Variants in PHF21A observed in about 807,000 individuals in gnomAD.
The protein encoded by PHF21A is BHC80a.
A neutral mutation model predicts 82.5 loss-of-function variants in PHF21A; 11 were observed. The observed-to-expected ratio is 0.13, with a 90% confidence interval of 0.08 to 0.22. The LOEUF (loss-of-function observed/expected upper bound fraction) is 0.22. Ranked by LOEUF, PHF21A falls within the 10% of genes least tolerant of loss-of-function variation. The pLI is 1.00. For missense variants in PHF21A, 579 were observed against 837.8 expected, an observed-to-expected ratio of 0.69 and a Z score of 3.81; for synonymous variants, 297 against 302.8, an observed-to-expected ratio of 0.98 and a Z score of 0.20.
chr11:45,990,866 G>C (rs554409610), intron 6 of PHF21A, among the ~76,000 whole-genome samples: 49 of 151,984 alleles, frequency 3.2e-4, no homozygotes, highest in African/African-American at 1.1e-3. Flanking sequence ...TGTTACAATC[G>C]AACCTACACT....
At chr11:46,068,627 T>A (rs2096621789) in intron 6 of PHF21A, among the ~76,000 whole-genome samples, 1 of 152,072 alleles carries the variant, frequency 6.6e-6, no homozygotes, top group African/African-American at 2.4e-5. Flanking sequence ...ATTCATAGCT[T>A]GAAGCAACTG....
At chr11:46,087,737 G>A (rs910022998) in intron 3 of PHF21A, among the ~76,000 whole-genome samples, 5 of 152,030 alleles carry the variant, frequency 3.3e-5, no homozygotes, top group African/African-American at 1.2e-4. Flanking sequence ...GGCTGGTCAC[G>A]AATACATGCT....
intron 11 of PHF21A, among the ~76,000 whole-genome samples, chr11:45,950,582 T>C (rs1334580656): frequency 2.0e-5 from 3 of 152,070 alleles, no homozygotes; most frequent in Non-Finnish European, 2.9e-5. Context: ...GTTTACGAAT[T>C]TGTGTGGGGC....
chr11:46,025,671 A>G (rs1277919609), intron 6 of PHF21A, among the ~76,000 whole-genome samples: 2 of 152,198 alleles, frequency 1.3e-5, no homozygotes, highest in Non-Finnish European at 2.9e-5. Flanking sequence ...GAAAATTCCT[A>G]TATACCTTTC....
intron 5 of PHF21A, among the ~76,000 whole-genome samples, chr11:46,077,744 C>G (rs1396397443): frequency 6.6e-6 from 1 of 152,180 alleles, no homozygotes; most frequent in Non-Finnish European, 1.5e-5. Context: ...CTGCCTACCT[C>G]AGATTCTTCA....
chr11:46,011,200 T>C (rs1359043363), intron 6 of PHF21A, among the ~76,000 whole-genome samples: 1 of 151,992 alleles, frequency 6.6e-6, no homozygotes, highest in African/African-American at 2.4e-5. Flanking sequence ...ATAAAAGTGT[T>C]CAATGAGGTT....
At chr11:45,955,056 G>C (rs1326280022) in intron 10 of PHF21A, among the ~76,000 whole-genome samples, 14 of 152,144 alleles carry the variant, frequency 9.2e-5, no homozygotes. Flanking sequence ...AGTGCTCTGG[G>C]GCACAAATGC....
intron 6 of PHF21A, among the ~76,000 whole-genome samples, chr11:46,000,901 C>T (rs1389425692): frequency 1.3e-5 from 2 of 151,844 alleles, no homozygotes; most frequent in Non-Finnish European, 2.9e-5. Flanking sequence ...GCCTGGGCAA[C>T]AAAAGTGAAC....
chr11:45,936,146 T>C (rs1217519789), intron 17 of PHF21A, among the ~76,000 whole-genome samples: 2 of 152,080 alleles, frequency 1.3e-5, no homozygotes, highest in Non-Finnish European at 2.9e-5. Context: ...GTCATGGTAG[T>C]ACACACCTAT....
intron 6 of PHF21A, among the ~76,000 whole-genome samples, chr11:46,072,209 C>T (rs1276748120): frequency 2.6e-5 from 4 of 152,120 alleles, no homozygotes; most frequent in Non-Finnish European, 5.9e-5. Context: ...AGTAATAGTC[C>T]TTGAATTTTA....
chr11:46,101,041 A>G (rs985605452), intron 1 of PHF21A, among the ~76,000 whole-genome samples: 2 of 152,244 alleles, frequency 1.3e-5, no homozygotes, highest in East Asian at 3.8e-4. Flanking sequence ...TGCAACTTTA[A>G]GCTGACTTAT....
chr11:45,991,848 C>T (rs2094713718), intron 6 of PHF21A, among the ~76,000 whole-genome samples: 2 of 152,184 alleles, frequency 1.3e-5, no homozygotes, highest in South Asian at 2.1e-4. Flanking sequence ...GAGAAAAATG[C>T]TCACAAAGAT....
intron 6 of PHF21A, among the ~76,000 whole-genome samples, chr11:46,040,969 T>C (rs1437682701): frequency 6.7e-6 from 1 of 149,460 alleles, no homozygotes; most frequent in Non-Finnish European, 1.5e-5. Flanking sequence ...CTAGCCACAG[T>C]AAGAATTTCC....
chr11:46,065,654 C>A (rs2096585267), intron 6 of PHF21A, among the ~76,000 whole-genome samples: 1 of 152,184 alleles, frequency 6.6e-6, no homozygotes, highest in Non-Finnish European at 1.5e-5. Context: ...GTTGAGGAAA[C>A]CAGCTCAGAG....
intron 10 of PHF21A, 112 bp from the exon 11 acceptor site, chr11:45,953,737 G>A (rs1477335235): frequency 1.5e-6 from 1 of 680,578 alleles, no homozygotes; most frequent in African/African-American, 1.8e-5. Flanking sequence ...ATATTCAAAT[G>A]TGGAACATAT....
intron 1 of PHF21A, among the ~76,000 whole-genome samples, chr11:46,099,470 G>A (rs1455337654): frequency 6.6e-6 from 1 of 150,606 alleles, no homozygotes; most frequent in Non-Finnish European, 1.5e-5. Flanking sequence ...TAGCACTGCT[G>A]TACTCACTAG....
At chr11:45,986,646 C>T (rs968101628) in intron 6 of PHF21A, among the ~76,000 whole-genome samples, 1 of 151,900 alleles carries the variant, frequency 6.6e-6, no homozygotes. Flanking sequence ...AACTATACCG[C>T]CCTCCTTCCT....
In PHF21A at chr11:45,930,707, G is replaced by A. The variant is rs963379336; in HGVS notation, c.*3261C>T. 1 of 152,384 alleles carries A rather than the reference G, an allele frequency of 6.6e-6. No individual in the cohort carries two copies. The highest frequency in any genetic ancestry group is 1.5e-5 in the Non-Finnish European group (1 of 68,162). 9.4% of individuals were successfully genotyped at this position (152,384 alleles called of 1,614,324 possible). On this transcript the variant is annotated 3_prime_UTR_variant, in exon 19 of 19. Transcript: ENST00000676320. ...GCAGCGCCTGATCAGGAGCTGGCAG[G>A]GGACTCCCAGTCAGGGCCCAGTGGG...
intron 6 of PHF21A, among the ~76,000 whole-genome samples, chr11:46,073,377 T>C (rs921553819): frequency 4.6e-5 from 7 of 152,060 alleles, no homozygotes; most frequent in African/African-American, 1.7e-4. Context: ...TTCATATATT[T>C]AATACCATGA....
Sources: gnomAD v4.1 joint callset for allele counts (sites outside exome capture counted in the v4.1 genomes callset) on GRCh38, gnomAD v4.1.1 for gene constraint, MANE v1.5 for transcripts, NCBI Gene and HGNC (gene_info 2026-07-23, HGNC 2026-07-21) for gene names.